The following ITSN1 variants were observed in gnomAD, a reference collection of about 807,000 sequenced individuals.
The protein encoded by ITSN1 is intersectin-1.
In ITSN1, 58 loss-of-function variants were observed where a neutral mutation model predicts 239.8. The observed-to-expected ratio is 0.24, with a 90% CI of 0.20 to 0.30. ITSN1 has a LOEUF of 0.30. ITSN1 is among the 10% of genes least tolerant of loss of function. The pLI is 1.00. For synonymous variants in ITSN1, 780 were observed against 770.8 expected, an observed-to-expected ratio of 1.01 and a Z score of -0.20; for missense variants, 1,558 against 2,103.3, an observed-to-expected ratio of 0.74 and a Z score of 5.07.
rs765291303 is a variant in ITSN1 at position 33,865,277 on chromosome 21, G to A, written c.4017G>A (p.Gly1339=). 3.1e-6 allele frequency: 5 copies of A among 1,604,022 alleles called. No homozygotes were observed. The East Asian group carries it at 9.0e-5, about 29-fold the overall frequency. ...GCTTCTGCAGCCGCCAGCTCAACGG[G>A]GCTGCCCTGATCCAGCAGAAGACGG... ...YIRFCSRQLN[G]AALIQQKTDE... Residue 1339 remains glycine, a synonymous_variant, in exon 32 of 40, where the codon GGG becomes GGA. Coordinates refer to ENST00000381318, the MANE Select transcript of ITSN1 (RefSeq NM_003024.3). This position sits in a 1 kb window ranked among gnomAD's most constrained non-coding sequence, Gnocchi z 4.4.
At chr21:33,846,409 C>CA (rs1261148724) in intron 29 of ITSN1, among the ~76,000 whole-genome samples, 1 of 152,234 alleles carries the variant, frequency 6.6e-6, no homozygotes, top group Non-Finnish European at 1.5e-5. Flanking sequence ...CTTACCTCCC[C>CA]AGTTAGACTG....
intron 5 of ITSN1, among the ~76,000 whole-genome samples, chr21:33,744,573 C>T (rs1461368619): frequency 2.0e-5 from 3 of 152,148 alleles, no homozygotes; most frequent in African/African-American, 7.2e-5. Flanking sequence ...TATCATTTCT[C>T]ACCAAAAGAA....
intron 31 of ITSN1, among the ~76,000 whole-genome samples, chr21:33,859,064 G>C (rs1404104799): frequency 6.6e-6 from 1 of 152,192 alleles, no homozygotes; most frequent in Non-Finnish European, 1.5e-5. Context: ...AATTTCCAGG[G>C]CTAGGGCGAC....
intron 1 of ITSN1, among the ~76,000 whole-genome samples, chr21:33,712,029 T>C (rs2092432489): frequency 6.6e-6 from 1 of 152,222 alleles, no homozygotes; most frequent in South Asian, 2.1e-4. Flanking sequence ...ATTTGATTCT[T>C]TTTAAACTAG....
At chr21:33,880,994 C>G (rs1331771272) in intron 34 of ITSN1, among the ~76,000 whole-genome samples, 1 of 152,010 alleles carries the variant, frequency 6.6e-6, no homozygotes, top group South Asian at 2.1e-4. Context: ...CACCGTGTCT[C>G]TAAGGGTCAG....
At chr21:33,829,123 C>A in intron 26 of ITSN1, 1 of 407,852 alleles carries the variant, frequency 2.5e-6, no homozygotes, top group Non-Finnish European at 4.8e-6. Flanking sequence ...TAAGCCCCTG[C>A]CGGGCTCCCA....
intron 34 of ITSN1, among the ~76,000 whole-genome samples, chr21:33,878,541 ACTC>A (rs1313604492): frequency 2.0e-5 from 3 of 150,848 alleles, no homozygotes; most frequent in African/African-American, 7.3e-5. Flanking sequence ...TCCCTCATCC[ACTC>A]CTCCTGTGGT....
At chr21:33,699,698 G>A (rs117871775) in intron 1 of ITSN1, among the ~76,000 whole-genome samples, 12,583 of 152,266 alleles carry the variant, frequency 0.083, 780 homozygotes, top group East Asian at 0.26. Flanking sequence ...CAGCCTGGGT[G>A]ACAGAGCCAG....
chr21:33,829,192 T>C, intron 26 of ITSN1: 1 of 367,058 alleles, frequency 2.7e-6, no homozygotes, highest in Non-Finnish European at 5.3e-6. Flanking sequence ...AGAAAAGCTA[T>C]TGAGTCCTTT....
At chr21:33,845,267 A>G (rs961538962) in intron 29 of ITSN1, among the ~76,000 whole-genome samples, 3 of 151,378 alleles carry the variant, frequency 2.0e-5, no homozygotes, top group African/African-American at 7.3e-5. Context: ...GCTGCGGGGG[A>G]GGCACGTCCA....
chr21:33,807,840 G>C (rs2072578436), intron 20 of ITSN1, among the ~76,000 whole-genome samples: 1 of 152,186 alleles, frequency 6.6e-6, no homozygotes, highest in Non-Finnish European at 1.5e-5. Context: ...GTTAGAGCAG[G>C]GAACTCCTGA....
At position 33,797,402 on chromosome 21, in the gene ITSN1, A is replaced by G; in HGVS notation, c.1976A>G (p.Gln659Arg). ...AQRRAQERDK[Q>R]WLEHVQQEDE... is the part of the protein sequence containing the mutation. ...AGACGAGCTCAGGAAAGGGACAAGCAGTGGCTGGAGCATGTGCAGCAGGAG... is the reference window on the plus strand; with the variant it reads ...AGACGAGCTCAGGAAAGGGACAAGCGGTGGCTGGAGCATGTGCAGCAGGAG... The change falls in exon 18 of 40, where the codon CAG becomes CGG. Residue 659 changes from glutamine to arginine, a missense_variant. Physicochemically the swap from Gln to Arg is conservative, Grantham distance 43. Coordinates refer to ENST00000381318, the MANE Select transcript of ITSN1 (RefSeq NM_003024.3). This position sits in a 1 kb window ranked among gnomAD's most constrained non-coding sequence, Gnocchi z 4.9. The G allele has an allele frequency of 4.3e-6, 7 of 1,613,998 alleles. No individual in the cohort carries two copies. In the South Asian group the frequency reaches 4.4e-5, roughly 10 times the overall value.
intron 1 of ITSN1, among the ~76,000 whole-genome samples, chr21:33,658,020 A>C (rs977294365): frequency 5.9e-5 from 9 of 152,158 alleles, no homozygotes; most frequent in Non-Finnish European, 1.0e-4. Flanking sequence ...GACTCCCCCA[A>C]AACGTAACTA....
chr21:33,794,852 A>G (rs2071410958), intron 17 of ITSN1, among the ~76,000 whole-genome samples: 1 of 152,196 alleles, frequency 6.6e-6, no homozygotes, highest in Non-Finnish European at 1.5e-5. Context: ...GGGCTTCTCC[A>G]GCAGGGTCAG....
chr21:33,672,100 C>G (rs1401069478), intron 1 of ITSN1, among the ~76,000 whole-genome samples: 2 of 151,256 alleles, frequency 1.3e-5, no homozygotes, highest in East Asian at 3.9e-4. Context: ...CAAAATTAGC[C>G]AGCGTGGTGG....
rs1369077860 is a variant in ITSN1, at chr21:33,890,252, A to C, written c.*1952A>C. ...TGAAAGATATGCTACCATGGTAGAAAGAAAAGTATTCAATGTGTAAATGGG... is the reference window on the plus strand; with the variant it reads ...TGAAAGATATGCTACCATGGTAGAACGAAAAGTATTCAATGTGTAAATGGG... On this transcript the variant is annotated 3_prime_UTR_variant, in exon 40 of 40. Transcript: ENST00000381318. 6.6e-6 allele frequency: 1 copy of C among 152,250 alleles called. No individual in the cohort carries two copies. Among genetic ancestry groups the C allele is most frequent in the Non-Finnish European group, 1.5e-5 (1 of 68,046 alleles). 9.4% of individuals were successfully genotyped at this position (152,250 alleles called of 1,614,324 possible).
intron 31 of ITSN1, among the ~76,000 whole-genome samples, chr21:33,860,560 G>C (rs996411847): frequency 1.3e-5 from 2 of 152,148 alleles, no homozygotes; most frequent in Non-Finnish European, 2.9e-5. Context: ...GAGCTGTGTG[G>C]GGGGCCAGGC....
At chr21:33,770,230 AT>A (rs1284520929) in intron 11 of ITSN1, among the ~76,000 whole-genome samples, 3 of 150,950 alleles carry the variant, frequency 2.0e-5, no homozygotes, top group Admixed American at 2.0e-4. Context: ...TACCCAGGTA[AT>A]TTTTTATTTT....
chr21:33,690,866 A>ACCCATTT (rs1267489447), intron 1 of ITSN1, among the ~76,000 whole-genome samples: 3 of 116,746 alleles, frequency 2.6e-5, no homozygotes, highest in African/African-American at 1.0e-4. Flanking sequence ...AAAAAAAAAG[A>ACCCATTT]CCCATTTCTG....
Sources: allele counts gnomAD v4.1 joint callset (sites outside exome capture counted in the v4.1 genomes callset), GRCh38; gene constraint gnomAD v4.1.1; non-coding constraint Gnocchi (gnomAD v3.1); transcripts MANE v1.5; gene names NCBI Gene and HGNC (gene_info 2026-07-23, HGNC 2026-07-21).